CTNNA2: variants seen among roughly 807,000 people sequenced by gnomAD.
CTNNA2 encodes catenin alpha 2.
A neutral mutation model predicts 101.0 loss-of-function variants in CTNNA2; 42 were observed. The ratio of observed to expected loss-of-function variants is 0.42; its 90% CI spans 0.32 to 0.54. CTNNA2 has a LOEUF of 0.54. CTNNA2 is among the 20% of genes least tolerant of loss of function. The pLI is 0.14. For missense variants in CTNNA2, 871 were observed against 1,223.1 expected, an observed-to-expected ratio of 0.71 and a Z score of 4.29; for synonymous variants, 450 against 456.4, an observed-to-expected ratio of 0.99 and a Z score of 0.18.
At chr2:79,806,935 G>T (rs1234361229) in intron 3 of CTNNA2, among the ~76,000 whole-genome samples, 2 of 152,010 alleles carry the variant, frequency 1.3e-5, no homozygotes. Context: ...ACATGCTCAA[G>T]CATTCTTTAT....
chr2:79,439,823 T>C (rs1678757847), intron 4 of CTNNA2, among the ~76,000 whole-genome samples: 2 of 152,080 alleles, frequency 1.3e-5, no homozygotes, highest in Non-Finnish European at 2.9e-5. Flanking sequence ...ATTCTGAAAG[T>C]TGGGTGGGGC....
intron 7 of CTNNA2, among the ~76,000 whole-genome samples, chr2:80,087,972 C>G (rs1034291787): frequency 6.6e-6 from 1 of 151,910 alleles, no homozygotes; most frequent in Admixed American, 6.6e-5. Flanking sequence ...GGCTGAATCA[C>G]GTATTAATCA....
chr2:79,389,560 A>C (rs2104470711), intron 4 of CTNNA2, among the ~76,000 whole-genome samples: 1 of 152,346 alleles, frequency 6.6e-6, no homozygotes, highest in Middle Eastern at 3.4e-3. Flanking sequence ...TTTTCAGTTT[A>C]ATAGAGAATA....
At chr2:79,731,413 A>G (rs2104921063) in intron 2 of CTNNA2, among the ~76,000 whole-genome samples, 1 of 152,188 alleles carries the variant, frequency 6.6e-6, no homozygotes, top group African/African-American at 2.4e-5. Context: ...GACTTCTGAA[A>G]CTGACTAATG....
chr2:80,540,980 C>T (rs925330489), intron 9 of CTNNA2, among the ~76,000 whole-genome samples: 4 of 152,224 alleles, frequency 2.6e-5, no homozygotes, highest in African/African-American at 7.2e-5. Context: ...TGAGCCACTG[C>T]ATCTGGCCCA....
At chr2:79,974,589 G>A (rs1391795260) in intron 7 of CTNNA2, among the ~76,000 whole-genome samples, 2 of 152,060 alleles carry the variant, frequency 1.3e-5, no homozygotes, top group Admixed American at 6.6e-5. Flanking sequence ...ATTTAAAGTT[G>A]GAGGAAGTTA....
At chr2:80,536,866 G>C (rs1388058888) in intron 9 of CTNNA2, among the ~76,000 whole-genome samples, 9 of 152,130 alleles carry the variant, frequency 5.9e-5, no homozygotes, top group Non-Finnish European at 1.0e-4. Context: ...GAGCTGTGTG[G>C]GGTTTTCTTT....
chr2:79,686,332 A>G (rs1191997629), intron 2 of CTNNA2, among the ~76,000 whole-genome samples: 1 of 152,160 alleles, frequency 6.6e-6, no homozygotes, highest in Non-Finnish European at 1.5e-5. Flanking sequence ...TAGCTGCCAC[A>G]CTAATTCCTG....
At chr2:80,589,542 G>A in intron 15 of CTNNA2, 57 bp downstream of exon 15, 2 of 1,539,778 alleles carry the variant, frequency 1.3e-6, no homozygotes, top group South Asian at 2.4e-5. Flanking sequence ...AAGTGTAGCA[G>A]TGTGTATTAG....
chr2:80,271,076 C>T (rs1356707884), intron 7 of CTNNA2, among the ~76,000 whole-genome samples: 3 of 152,140 alleles, frequency 2.0e-5, no homozygotes, highest in African/African-American at 7.2e-5. Flanking sequence ...TGAGATGCCC[C>T]TCTAGCAGAT....
intron 1 of CTNNA2, among the ~76,000 whole-genome samples, chr2:79,592,465 C>T (rs1676926226): frequency 6.6e-6 from 1 of 152,070 alleles, no homozygotes; most frequent in African/African-American, 2.4e-5. Context: ...GCCAGATGAA[C>T]ACCTGATCAT....
At chr2:79,637,276 G>C (rs903063761) in intron 1 of CTNNA2, among the ~76,000 whole-genome samples, 4 of 152,160 alleles carry the variant, frequency 2.6e-5, no homozygotes, top group African/African-American at 9.7e-5. Context: ...TGAGGATACA[G>C]AAGAGAGAGT....
At chr2:80,503,171 C>A (rs1247893807) in intron 9 of CTNNA2, among the ~76,000 whole-genome samples, 1 of 148,764 alleles carries the variant, frequency 6.7e-6, no homozygotes, top group Non-Finnish European at 1.5e-5. Flanking sequence ...AGACCTGTCT[C>A]AAAAAAAAAA....
intron 2 of CTNNA2, among the ~76,000 whole-genome samples, chr2:79,665,849 A>C (rs1682379992): frequency 6.6e-6 from 1 of 152,230 alleles, no homozygotes; most frequent in African/African-American, 2.4e-5. Context: ...TTAAAAATGT[A>C]AAGAAGTATC....
chr2:79,603,265 A>T (rs983002874), intron 1 of CTNNA2, among the ~76,000 whole-genome samples: 1 of 152,336 alleles, frequency 6.6e-6, no homozygotes, highest in East Asian at 1.9e-4. Flanking sequence ...GATGAATTAG[A>T]GACCCAATTT....
intron 3 of CTNNA2, among the ~76,000 whole-genome samples, chr2:79,343,006 G>A (rs1331313327): frequency 1.3e-5 from 2 of 152,118 alleles, no homozygotes; most frequent in African/African-American, 4.8e-5. Context: ...TCTTAAAAAT[G>A]TTCACTGACT....
intron 4 of CTNNA2, among the ~76,000 whole-genome samples, chr2:79,501,566 C>T (rs962754223): frequency 1.2e-4 from 19 of 152,108 alleles, no homozygotes; most frequent in South Asian, 2.1e-4. Flanking sequence ...TCTAATACTG[C>T]ACTAGATTGC....
rs1685782265 is a variant in CTNNA2 at position 79,911,341 on chromosome 2, T to C, written c.1056+1544T>C. ...CGCTAGTGGTTCTATTAATGAATAG[T>C]TACTGCCAAAGAAGGAAGTAGAAAC... On this transcript the variant is annotated intron_variant, in intron 7 of 18. Coordinates refer to ENST00000402739, the MANE Select transcript of CTNNA2 (RefSeq NM_001282597.3). Among the ~76,000 whole-genome samples, 3 of 152,378 alleles carry C rather than the reference T, an allele frequency of 2.0e-5. No homozygotes were observed. The South Asian group carries it at 6.2e-4, about 32-fold the overall frequency.
At chr2:80,076,909 G>T (rs959169067) in intron 7 of CTNNA2, among the ~76,000 whole-genome samples, 8 of 152,088 alleles carry the variant, frequency 5.3e-5, no homozygotes, top group Admixed American at 3.9e-4. Context: ...AAATTAGCGT[G>T]GTGGTGGGCA....
Sources: allele counts gnomAD v4.1 joint callset (sites outside exome capture counted in the v4.1 genomes callset), GRCh38; gene constraint gnomAD v4.1.1; transcripts MANE v1.5; gene names NCBI Gene and HGNC (gene_info 2026-07-23, HGNC 2026-07-21).